FMNL2: variants seen among roughly 807,000 people sequenced by gnomAD.
The protein encoded by FMNL2 is formin like 2.
FMNL2 carries 51 observed loss-of-function variants against 130.2 expected under a neutral mutation model. The observed-to-expected ratio is 0.39, with a 90% CI of 0.31 to 0.49. FMNL2 has a LOEUF of 0.49. Ranked by LOEUF, FMNL2 falls within the 20% of genes least tolerant of loss-of-function variation. The pLI is 0.85. For missense variants in FMNL2, 977 were observed against 1,316.2 expected, an observed-to-expected ratio of 0.74 and a Z score of 3.99; for synonymous variants, 465 against 467.1, an observed-to-expected ratio of 1.00 and a Z score of 0.06.
chr2:152,508,094 A>G (rs541141662), intron 1 of FMNL2, among the ~76,000 whole-genome samples: 1 of 152,316 alleles, frequency 6.6e-6, no homozygotes, highest in East Asian at 1.9e-4. Flanking sequence ...AACCATGTGC[A>G]ATAACAGAGA....
intron 1 of FMNL2, among the ~76,000 whole-genome samples, chr2:152,510,841 T>C (rs1341490325): frequency 6.6e-6 from 1 of 152,214 alleles, no homozygotes; most frequent in African/African-American, 2.4e-5. Context: ...GGAGAGACAC[T>C]GTGGGTTTCT....
At chr2:152,338,223 A>G (rs1328427722) in intron 1 of FMNL2, among the ~76,000 whole-genome samples, 1 of 152,206 alleles carries the variant, frequency 6.6e-6, no homozygotes, top group Admixed American at 6.5e-5. Context: ...ACTTTCTTGT[A>G]TAATAAAGAT....
intron 1 of FMNL2, among the ~76,000 whole-genome samples, chr2:152,471,180 G>A (rs1689839992): frequency 6.6e-6 from 1 of 151,044 alleles, no homozygotes; most frequent in African/African-American, 2.4e-5. Context: ...GAAAAGTCCC[G>A]TACGCTGTCG....
intron 1 of FMNL2, among the ~76,000 whole-genome samples, chr2:152,490,569 A>ATGTGTG (rs58838989): frequency 0.19 from 20,366 of 108,358 alleles, 2,504 homozygotes; most frequent in Non-Finnish European, 0.22. Flanking sequence ...TTGCTATCCA[A>ATGTGTG]TGTGTGTGTG....
chr2:152,635,462 G>A (rs986203813), intron 21 of FMNL2, among the ~76,000 whole-genome samples: 17 of 152,252 alleles, frequency 1.1e-4, no homozygotes, highest in African/African-American at 1.9e-4. Context: ...CGTCATTTCC[G>A]TAGTCTAAAA....
At position 152,573,507 on chromosome 2, in the gene FMNL2, T is replaced by C. The variant is rs1696298643; in HGVS notation, c.597-1629T>C. Among the ~76,000 whole-genome samples the C allele has an allele frequency of 2.6e-5, 4 of 152,196 alleles. No homozygotes were observed. In the South Asian group the frequency reaches 8.3e-4, roughly 32 times the overall value. On this transcript the variant is annotated intron_variant, in intron 6 of 25. Transcript: ENST00000288670. ...TGGTCTCATCTCATCCCTTATTTGC[T>C]ATGTAGATGTAATGTCTCTGGGCTT...
chr2:152,501,180 A>G (rs964330386), intron 1 of FMNL2, among the ~76,000 whole-genome samples: 1 of 152,248 alleles, frequency 6.6e-6, no homozygotes, highest in Admixed American at 6.5e-5. Flanking sequence ...TAATTCCCAA[A>G]TAGAGTCCTC....
intron 8 of FMNL2, among the ~76,000 whole-genome samples, chr2:152,579,525 C>G (rs147383178): frequency 1.1e-3 from 169 of 152,146 alleles, no homozygotes; most frequent in African/African-American, 3.9e-3. Context: ...GGTGAAACCC[C>G]ATCTCTACTA....
chr2:152,344,607 A>G (rs911289709), intron 1 of FMNL2, among the ~76,000 whole-genome samples: 2 of 152,210 alleles, frequency 1.3e-5, no homozygotes, highest in Non-Finnish European at 2.9e-5. Flanking sequence ...ATCATAATGA[A>G]AATTTGTGAG....
At position 152,646,582 on chromosome 2, in the gene FMNL2, C is replaced by CGG. The variant is rs1553495369; in HGVS notation, c.3170-1209_3170-1208dup. ...TAAACACCAGGAAACTGTACATGTG[C>CGG]GGGGGGTGGGGGGGCACAGTGGAGC... On this transcript the variant is annotated intron_variant, in intron 25 of 25. Coordinates refer to ENST00000288670, the MANE Select transcript of FMNL2 (RefSeq NM_052905.4). Among the ~76,000 whole-genome samples the CGG allele has an allele frequency of 5.8e-5, 4 of 69,288 alleles. No individual in the cohort carries two copies. The South Asian group carries it at 1.7e-3, about 30-fold the overall frequency. 45.5% of individuals were successfully genotyped at this position (69,288 alleles called of 152,430 possible).
intron 7 of FMNL2, among the ~76,000 whole-genome samples, chr2:152,576,722 C>T (rs951327692): frequency 6.6e-6 from 1 of 152,074 alleles, no homozygotes; most frequent in African/African-American, 2.4e-5. Flanking sequence ...GAGAGGGTAA[C>T]ATCTAGTAAC....
chr2:152,525,694 G>C (rs1323299121), intron 2 of FMNL2, among the ~76,000 whole-genome samples: 2 of 152,188 alleles, frequency 1.3e-5, no homozygotes, highest in Non-Finnish European at 2.9e-5. Flanking sequence ...TAGCCACTTA[G>C]ACTCAGCTTC....
Position 152,487,784 on chromosome 2 carries a change from CT to C in FMNL2, c.118-34145del, listed in dbSNP as rs752010491. Among the ~76,000 whole-genome samples the C allele has an allele frequency of 2.7e-3, 376 of 141,316 alleles. 1 individual carries two copies. The highest frequency in any genetic ancestry group is 0.02 in the East Asian group (97 of 4,898). The allele number at this position is 141,316 out of a possible 152,430, so 92.7% of individuals were successfully genotyped here. A position where few individuals can be genotyped will look rare whatever the true frequency, so the allele number is the denominator to read the frequency against. Reference sequence around the variant, plus strand: ...TAAAACACTTTTAGATGAATTCTTTCTTTTTTTTTTTTTTCCTTTTTGAGAC... The same window carrying C: ...TAAAACACTTTTAGATGAATTCTTTCTTTTTTTTTTTTTCCTTTTTGAGAC... On this transcript the variant is annotated intron_variant, in intron 1 of 25. Transcript: ENST00000288670.
Position 152,579,667 on chromosome 2 carries a change from C to T in FMNL2, c.782+703C>T, listed in dbSNP as rs151115865. On this transcript the variant is annotated intron_variant, in intron 8 of 25. Coordinates refer to ENST00000288670, the MANE Select transcript of FMNL2 (RefSeq NM_052905.4). ...GAGCCGAGATCGCACCGCTGCACTC[C>T]GGCCTGGGTGACAGGGCAAGACTCT... Among the ~76,000 whole-genome samples the T allele has an allele frequency of 1.3e-3, 200 of 152,226 alleles. 1 individual carries two copies. Among genetic ancestry groups the T allele is most frequent in the African/African-American group, 4.6e-3 (193 of 41,518 alleles).
At chr2:152,504,623 A>G (rs2105336446) in intron 1 of FMNL2, among the ~76,000 whole-genome samples, 1 of 152,246 alleles carries the variant, frequency 6.6e-6, no homozygotes, top group South Asian at 2.1e-4. Context: ...TAATATATTC[A>G]TGCTCAAAAT....
rs73968031 is a variant in FMNL2, at chr2:152,476,100, G to C, written c.118-45843G>C. On this transcript the variant is annotated intron_variant, in intron 1 of 25. Transcript: ENST00000288670. Reference sequence around the variant, plus strand: ...CCTTCTCCTCTTTTATGAATACAATGACTATTCATTTCAAAATTCCTGTCT... The same window carrying C: ...CCTTCTCCTCTTTTATGAATACAATCACTATTCATTTCAAAATTCCTGTCT... Among the ~76,000 whole-genome samples the C allele has an allele frequency of 4.3e-3, 662 of 152,258 alleles. 4 individuals are homozygous for C. Among genetic ancestry groups the C allele is most frequent in the African/African-American group, 0.015 (634 of 41,546 alleles).
chr2:152,380,960 A>C (rs150998740), intron 1 of FMNL2, among the ~76,000 whole-genome samples: 74 of 152,336 alleles, frequency 4.9e-4, no homozygotes, highest in Admixed American at 2.4e-3. Context: ...ATGGGAACTT[A>C]GTATAACTAA....
chr2:152,424,595 T>A (rs557559626), intron 1 of FMNL2, among the ~76,000 whole-genome samples: 21 of 152,290 alleles, frequency 1.4e-4, no homozygotes, highest in African/African-American at 4.8e-4. Context: ...TTCACCATGT[T>A]GGCCAGGCTG....
chr2:152,437,448 G>A (rs751689063), intron 1 of FMNL2, among the ~76,000 whole-genome samples: 1 of 152,226 alleles, frequency 6.6e-6, no homozygotes, highest in Non-Finnish European at 1.5e-5. Flanking sequence ...CTGCAAAGCA[G>A]TGGTAGAAGA....
Sources: gnomAD v4.1 joint callset for allele counts (sites outside exome capture counted in the v4.1 genomes callset) on GRCh38, gnomAD v4.1.1 for gene constraint, MANE v1.5 for transcripts, NCBI Gene and HGNC (gene_info 2026-07-23, HGNC 2026-07-21) for gene names.